EBF1: variants seen among roughly 807,000 people sequenced by gnomAD.
EBF1 encodes the protein EBF transcription factor 1, also known as transcription factor COE1.
EBF1 carries 10 observed loss-of-function variants against 68.4 expected under a neutral mutation model. The observed-to-expected ratio is 0.15, with a 90% confidence interval of 0.09 to 0.25. The LOEUF (loss-of-function observed/expected upper bound fraction) is 0.25, where lower values mean the gene tolerates loss of function less well. EBF1 is among the 10% of genes least tolerant of loss of function. The pLI, the probability that EBF1 is intolerant of heterozygous loss-of-function variation, is 1.00. For synonymous variants in EBF1, 298 were observed against 299.8 expected (o/e 0.99, Z 0.06); for missense variants, 509 against 794.4 (o/e 0.64, Z 4.32).
chr5:158,858,765 C>T (rs1794494371), intron 6 of EBF1, among the ~76,000 whole-genome samples: 1 of 152,128 alleles, frequency 6.6e-6, no homozygotes, highest in Non-Finnish European at 1.5e-5. Flanking sequence ...ATCAAGGCAG[C>T]CTGCTCCAGA....
At chr5:158,875,234 T>C (rs181579385) in intron 6 of EBF1, among the ~76,000 whole-genome samples, 1 of 152,268 alleles carries the variant, frequency 6.6e-6, no homozygotes, top group Non-Finnish European at 1.5e-5. Context: ...GGAATGAAGG[T>C]ATGAATTTGT....
intron 6 of EBF1, among the ~76,000 whole-genome samples, chr5:158,922,878 C>T (rs1808748789): frequency 6.6e-6 from 1 of 152,160 alleles, no homozygotes; most frequent in Non-Finnish European, 1.5e-5. Flanking sequence ...CACTCTCTGT[C>T]CAGGTGGAAT....
chr5:158,712,483 T>C (rs887271849), intron 13 of EBF1, 150 bp from the exon 14 acceptor site: 1 of 808,884 alleles, frequency 1.2e-6, no homozygotes, highest in Admixed American at 2.6e-5. Flanking sequence ...GGGTTGGTGG[T>C]GCTAGCTCTG....
chr5:158,723,780 C>T (rs1762407085), intron 11 of EBF1, among the ~76,000 whole-genome samples: 1 of 152,150 alleles, frequency 6.6e-6, no homozygotes, highest in Admixed American at 6.5e-5. Flanking sequence ...GAAGCATTTG[C>T]CGCAAAATAA....
intron 11 of EBF1, among the ~76,000 whole-genome samples, chr5:158,716,981 A>T (rs1299051233): frequency 1.3e-5 from 2 of 152,216 alleles, no homozygotes; most frequent in Admixed American, 1.3e-4. Context: ...AGCTGACTTC[A>T]TTTACCTTGA....
At chr5:158,932,256 G>A (rs1163784838) in intron 6 of EBF1, among the ~76,000 whole-genome samples, 1 of 152,164 alleles carries the variant, frequency 6.6e-6, no homozygotes, top group Admixed American at 6.5e-5. Context: ...TCTAACAATT[G>A]CAGATTGGTT....
At chr5:158,712,402 G>T in intron 13 of EBF1, 69 bp from the exon 14 acceptor site, 3 of 1,555,276 alleles carry the variant, frequency 1.9e-6, no homozygotes, top group South Asian at 1.2e-5. Context: ...AAGACTCGGG[G>T]AAAGGAAGGT....
At chr5:158,800,989 C>T (rs1396375069) in intron 8 of EBF1, among the ~76,000 whole-genome samples, 2 of 152,046 alleles carry the variant, frequency 1.3e-5, no homozygotes, top group Non-Finnish European at 2.9e-5. Flanking sequence ...CATAAGTATC[C>T]GCAAGGCCAG....
chr5:159,080,942 G>A (rs1489774016), intron 5 of EBF1, among the ~76,000 whole-genome samples: 8 of 152,122 alleles, frequency 5.3e-5, no homozygotes, highest in Non-Finnish European at 1.2e-4. Context: ...CCATGGTTTT[G>A]CTTTCCATGG....
intron 6 of EBF1, among the ~76,000 whole-genome samples, chr5:159,012,997 C>T (rs1423160357): frequency 6.6e-6 from 1 of 152,190 alleles, no homozygotes; most frequent in Non-Finnish European, 1.5e-5. Flanking sequence ...CCAACCCTAA[C>T]AGCACTTTGA....
intron 6 of EBF1, among the ~76,000 whole-genome samples, chr5:158,913,944 T>G (rs1316800557): frequency 1.3e-5 from 2 of 152,194 alleles, no homozygotes; most frequent in Non-Finnish European, 2.9e-5. Context: ...CAGTGTGAGT[T>G]TTTGGAGATG....
At chr5:159,043,307 T>G (rs1274776941) in intron 6 of EBF1, among the ~76,000 whole-genome samples, 2 of 152,238 alleles carry the variant, frequency 1.3e-5, no homozygotes, top group African/African-American at 4.8e-5. Context: ...ATCACTTCAC[T>G]GAGGACACAT....
At chr5:159,096,527 C>A in intron 2 of EBF1, 121 bp from the exon 3 acceptor site, 1 of 1,082,604 alleles carries the variant, frequency 9.2e-7, no homozygotes, top group Non-Finnish European at 1.4e-6. Context: ...GCCAGGCAGC[C>A]ACGGTAGCAG....
chr5:159,073,598 C>T, intron 5 of EBF1, 134 bp from the exon 6 acceptor site: 1 of 886,798 alleles, frequency 1.1e-6, no homozygotes, highest in Non-Finnish European at 1.8e-6. Flanking sequence ...ATCAACGGAT[C>T]CCTGGGACAG....
chr5:159,029,857 G>A (rs1768406141), intron 6 of EBF1, among the ~76,000 whole-genome samples: 1 of 151,938 alleles, frequency 6.6e-6, no homozygotes, highest in African/African-American at 2.4e-5. Flanking sequence ...AGGAGGCTGA[G>A]GCGAGAGTAT....
chr5:159,014,980 C>T (rs923337548), intron 6 of EBF1, among the ~76,000 whole-genome samples: 1 of 152,182 alleles, frequency 6.6e-6, no homozygotes, highest in Admixed American at 6.5e-5. Context: ...CTGCTTACTT[C>T]CAGGCTTAAT....
intron 10 of EBF1, among the ~76,000 whole-genome samples, chr5:158,764,380 C>G (rs1045626123): frequency 6.6e-6 from 1 of 152,192 alleles, no homozygotes; most frequent in Non-Finnish European, 1.5e-5. Flanking sequence ...TCTATAAAGA[C>G]ATCAACAACT....
intron 6 of EBF1, among the ~76,000 whole-genome samples, chr5:158,936,227 A>G (rs549174689): frequency 1.3e-5 from 2 of 152,224 alleles, no homozygotes; most frequent in African/African-American, 2.4e-5. Flanking sequence ...CTTGTGAACC[A>G]TATTTCCTGC....
chr5:158,926,511 G>A (rs1285132144), intron 6 of EBF1, among the ~76,000 whole-genome samples: 1 of 151,992 alleles, frequency 6.6e-6, no homozygotes, highest in African/African-American at 2.4e-5. Context: ...GGATCACAAG[G>A]TCAGGAGTTC....
Sources: gnomAD v4.1 joint callset for allele counts (sites outside exome capture counted in the v4.1 genomes callset) on GRCh38, gnomAD v4.1.1 for gene constraint, MANE v1.5 for transcripts, NCBI Gene and HGNC (gene_info 2026-07-23, HGNC 2026-07-21) for gene names.